FRMD5: variants seen among roughly 807,000 people sequenced by gnomAD.
The protein encoded by FRMD5 is FERM domain-containing protein 5.
FRMD5 carries 20 observed loss-of-function variants against 69.0 expected under a neutral mutation model. The ratio of observed to expected loss-of-function variants is 0.29; its 90% CI spans 0.20 to 0.42. The LOEUF is 0.42. Ranked by LOEUF, FRMD5 falls within the 10% of genes least tolerant of loss-of-function variation. FRMD5 has a pLI of 1.00. For synonymous variants in FRMD5, 271 were observed against 260.1 expected, an observed-to-expected ratio of 1.04 and a Z score of -0.40; for missense variants, 595 against 708.6, an observed-to-expected ratio of 0.84 and a Z score of 1.82.
At chr15:44,135,487 A>T (rs1341704991) in intron 1 of FRMD5, among the ~76,000 whole-genome samples, 1 of 152,210 alleles carries the variant, frequency 6.6e-6, no homozygotes, top group African/African-American at 2.4e-5. Flanking sequence ...ATTTTACTAT[A>T]TTACAGACAT....
chr15:43,981,694 A>G (rs1415780050), intron 1 of FRMD5, among the ~76,000 whole-genome samples: 1 of 152,254 alleles, frequency 6.6e-6, no homozygotes, highest in African/African-American at 2.4e-5. Flanking sequence ...TTCTTGAATA[A>G]TTAGAAACCT....
rs892635128 is a variant in FRMD5 at position 43,873,412 on chromosome 15, A to G, written c.*473T>C. 5.1e-5 allele frequency: 73 copies of G among 1,438,216 alleles called. No homozygotes were observed. Among genetic ancestry groups the G allele is most frequent in the Middle Eastern group, 2.5e-4 (1 of 3,980 alleles). 89.1% of individuals were successfully genotyped at this position (1,438,216 alleles called of 1,614,324 possible). A position where few individuals can be genotyped will look rare whatever the true frequency, so the allele number is the denominator to read the frequency against. On this transcript the variant is annotated 3_prime_UTR_variant, in exon 14 of 14. Transcript: ENST00000417257. ...GGCCTGCCCTGCTGAGGCTGCAGTG[A>G]TGAGTCTACTGGAACCCAGTGGCAC... is the stretch of plus-strand genomic sequence containing the variant.
At chr15:44,124,904 G>A (rs527961875) in intron 1 of FRMD5, among the ~76,000 whole-genome samples, 5 of 152,078 alleles carry the variant, frequency 3.3e-5, no homozygotes, top group African/African-American at 1.2e-4. Flanking sequence ...CGGGAAGATC[G>A]CTTGAGCCCA....
intron 1 of FRMD5, among the ~76,000 whole-genome samples, chr15:43,942,927 T>C (rs892772766): frequency 2.6e-5 from 4 of 152,170 alleles, no homozygotes; most frequent in African/African-American, 9.7e-5. Flanking sequence ...GCCCAGCTAA[T>C]TATTGTATTT....
At chr15:43,988,315 A>C (rs1889495791) in intron 1 of FRMD5, among the ~76,000 whole-genome samples, 1 of 152,088 alleles carries the variant, frequency 6.6e-6, no homozygotes, top group Non-Finnish European at 1.5e-5. Flanking sequence ...CTTTTGCAGC[A>C]AAAAGATTAC....
intron 1 of FRMD5, among the ~76,000 whole-genome samples, chr15:43,995,371 A>C (rs1889871153): frequency 6.6e-6 from 1 of 152,230 alleles, no homozygotes; most frequent in Admixed American, 6.5e-5. Context: ...CTGCAGCTAC[A>C]AAGGGCTGAA....
chr15:44,183,976 CA>C (rs71421823), intron 1 of FRMD5, among the ~76,000 whole-genome samples: 2,665 of 123,648 alleles, frequency 0.022, 30 homozygotes, highest in Non-Finnish European at 0.021. Flanking sequence ...GTCTCCGTCT[CA>C]AAAAAAAAAA....
chr15:43,886,560 C>G (rs1446517896), intron 10 of FRMD5, among the ~76,000 whole-genome samples: 2 of 152,184 alleles, frequency 1.3e-5, no homozygotes, highest in Non-Finnish European at 2.9e-5. Context: ...ATGGGATCCA[C>G]CTGTAACATG....
chr15:44,070,451 TCTAA>T (rs1184892580), intron 1 of FRMD5, among the ~76,000 whole-genome samples: 1 of 152,138 alleles, frequency 6.6e-6, no homozygotes, highest in Non-Finnish European at 1.5e-5. Context: ...AAAGAATGGA[TCTAA>T]CTAATAGTTA....
rs370080512 is a variant in FRMD5, at chr15:43,966,231, G to A, written c.103-41922C>T. 6.6e-5 allele frequency among the ~76,000 whole-genome samples: 10 copies of A among 152,044 alleles called. No individual in the cohort carries two copies. The South Asian group carries it at 1.9e-3, about 28-fold the overall frequency. On this transcript the variant is annotated intron_variant, in intron 1 of 13. Transcript: ENST00000417257. ...AATAAAAATACAAAAGTTAGCCGGG[G>A]CGTGGTGGTGCATGCCTGTAGTCCC...
chr15:43,873,358 A>G lies in FRMD5; in HGVS notation c.*527T>C. 1 of 1,470,298 alleles carries G rather than the reference A, an allele frequency of 6.8e-7. No individual in the cohort carries two copies. The highest frequency in any genetic ancestry group is 8.9e-7 in the Non-Finnish European group (1 of 1,118,356). 91.1% of individuals were successfully genotyped at this position (1,470,298 alleles called of 1,614,324 possible). On this transcript the variant is annotated 3_prime_UTR_variant, in exon 14 of 14. Transcript: ENST00000417257. ...GGCTGGCAAAAAAAACAAACAAAAA[A>G]CTAAACAGTCCCCATTGTCCAGATC...
intron 1 of FRMD5, among the ~76,000 whole-genome samples, chr15:44,129,721 C>T (rs2140416223): frequency 6.6e-6 from 1 of 152,206 alleles, no homozygotes; most frequent in South Asian, 2.1e-4. Flanking sequence ...CCGTCCACAT[C>T]ACAAAAATGA....
At chr15:44,113,387 T>C (rs959028159) in intron 1 of FRMD5, among the ~76,000 whole-genome samples, 6 of 152,238 alleles carry the variant, frequency 3.9e-5, no homozygotes, top group Non-Finnish European at 7.3e-5. Flanking sequence ...GCTTTGTTTT[T>C]CACTTTTTAA....
chr15:44,014,265 T>C (rs1290918654), intron 1 of FRMD5, among the ~76,000 whole-genome samples: 1 of 152,124 alleles, frequency 6.6e-6, no homozygotes, highest in Non-Finnish European at 1.5e-5. Context: ...GGAGTCTTTC[T>C]GTGCAAGCTT....
At chr15:43,950,067 C>T (rs1283535149) in intron 1 of FRMD5, among the ~76,000 whole-genome samples, 3 of 152,158 alleles carry the variant, frequency 2.0e-5, no homozygotes, top group African/African-American at 7.2e-5. Flanking sequence ...TGCAGGAAGG[C>T]TAGAGGTTGT....
intron 1 of FRMD5, among the ~76,000 whole-genome samples, chr15:44,086,779 T>C (rs764087542): frequency 6.6e-6 from 1 of 152,186 alleles, no homozygotes; most frequent in African/African-American, 2.4e-5. Context: ...TGGATGGAGA[T>C]ATTTAAAGAG....
intron 1 of FRMD5, among the ~76,000 whole-genome samples, chr15:44,073,586 C>T (rs1255993219): frequency 6.6e-6 from 1 of 152,168 alleles, no homozygotes; most frequent in Non-Finnish European, 1.5e-5. Context: ...AATCCTTGAC[C>T]TGGCCCTGAC....
intron 1 of FRMD5, among the ~76,000 whole-genome samples, chr15:44,175,615 A>G (rs1045211362): frequency 6.6e-6 from 1 of 152,212 alleles, no homozygotes; most frequent in Admixed American, 6.5e-5. Flanking sequence ...TTCTAGGTAT[A>G]TACCTAAGTA....
At chr15:44,139,482 C>T (rs569797374) in intron 1 of FRMD5, among the ~76,000 whole-genome samples, 3 of 151,716 alleles carry the variant, frequency 2.0e-5, no homozygotes, top group Non-Finnish European at 4.4e-5. Context: ...CAAAATGATG[C>T]AGAAAGTTTG....
Sources: allele counts gnomAD v4.1 joint callset (sites outside exome capture counted in the v4.1 genomes callset), GRCh38; gene constraint gnomAD v4.1.1; transcripts MANE v1.5; gene names NCBI Gene and HGNC (gene_info 2026-07-23, HGNC 2026-07-21).